Variants in MECOM observed in about 807,000 individuals in gnomAD.
MECOM encodes the protein histone-lysine N-methyltransferase MECOM.
MECOM carries 13 observed loss-of-function variants against 116.3 expected under a neutral mutation model. That is an observed-to-expected ratio of 0.11 (90% confidence interval 0.07 to 0.18). MECOM has a LOEUF of 0.18. MECOM is among the 10% of genes least tolerant of loss of function. MECOM has a pLI of 1.00. For synonymous variants in MECOM, 528 were observed against 535.2 expected (o/e 0.99, Z 0.19); for missense variants, 1,299 against 1,509.0 (o/e 0.86, Z 2.31).
In MECOM at chr3:169,112,804, A is replaced by G; in HGVS notation, c.2560T>C (p.Phe854Leu). The G allele has an allele frequency of 6.2e-7, 1 of 1,612,898 alleles. No homozygotes were observed. Among genetic ancestry groups the G allele is most frequent in the Non-Finnish European group, 8.5e-7 (1 of 1,179,280 alleles). ...ATACTTACTTGTGGGTGAAACAAGAATCCTGGAGAAGGCCTCAAGTATTTC... is the reference window on the plus strand; with the variant it reads ...ATACTTACTTGTGGGTGAAACAAGAGTCCTGGAGAAGGCCTCAAGTATTTC... ...KEKYLRPSPG[F>L]LFHPQFQLPD... Residue 854 changes from phenylalanine to leucine, a missense_variant, in exon 9 of 17, where the codon TTC (phenylalanine) becomes CTC (leucine). Around this residue, in one of 6 missense-constraint regions of MECOM, gnomAD observed 340 missense variants for 312.6 expected, o/e 1.09. Transcript: ENST00000651503.
Position 169,347,236 on chromosome 3 carries a change from G to C in MECOM, c.375+33951C>G, listed in dbSNP as rs570848889. On this transcript the variant is annotated intron_variant, in intron 2 of 16. Transcript: ENST00000651503. ...ATAAAAACATTGGTTGTACTTCATG[G>C]GGGGGCAGTTAGTGGATGGAGACAG... 2.2e-4 allele frequency among the ~76,000 whole-genome samples: 34 copies of C among 152,002 alleles called. No homozygotes were observed. In the South Asian group the frequency reaches 6.9e-3, roughly 31 times the overall value.
intron 1 of MECOM, among the ~76,000 whole-genome samples, chr3:169,520,277 T>G (rs1757193257): frequency 6.6e-6 from 1 of 152,240 alleles, no homozygotes; most frequent in Admixed American, 6.5e-5. Flanking sequence ...TGTCTTTTAT[T>G]TTTCATAAGT....
chr3:169,184,076 G>A (rs1041115394), intron 2 of MECOM, among the ~76,000 whole-genome samples: 4 of 152,004 alleles, frequency 2.6e-5, no homozygotes, highest in African/African-American at 9.7e-5. Context: ...ACATTAGCCA[G>A]GATGGTCTCA....
intron 1 of MECOM, among the ~76,000 whole-genome samples, chr3:169,652,948 A>G (rs1268651644): frequency 6.6e-6 from 1 of 152,218 alleles, no homozygotes; most frequent in Non-Finnish European, 1.5e-5. Flanking sequence ...TACCATTTCT[A>G]CCTTGACTCC....
chr3:169,255,415 C>G (rs1003645724), intron 2 of MECOM, among the ~76,000 whole-genome samples: 13 of 151,854 alleles, frequency 8.6e-5, no homozygotes, highest in Non-Finnish European at 4.4e-5. Flanking sequence ...GCACTAGACA[C>G]AGGGACCCTC....
chr3:169,300,351 T>G (rs1198283016), intron 2 of MECOM, among the ~76,000 whole-genome samples: 1 of 152,218 alleles, frequency 6.6e-6, no homozygotes, highest in Non-Finnish European at 1.5e-5. Context: ...CTTAGAATCT[T>G]AGATGATAGC....
intron 1 of MECOM, among the ~76,000 whole-genome samples, chr3:169,454,416 T>C (rs1249809985): frequency 2.0e-5 from 3 of 150,004 alleles, no homozygotes; most frequent in African/African-American, 7.3e-5. Flanking sequence ...AAAAGCCCTT[T>C]CTTAGTTATA....
At chr3:169,622,940 T>C (rs1770930729) in intron 1 of MECOM, among the ~76,000 whole-genome samples, 1 of 152,202 alleles carries the variant, frequency 6.6e-6, no homozygotes, top group South Asian at 2.1e-4. Context: ...GCTTTCAGGT[T>C]GAGATTTACT....
chr3:169,174,303 C>T (rs1744845312), intron 2 of MECOM, among the ~76,000 whole-genome samples: 1 of 152,152 alleles, frequency 6.6e-6, no homozygotes, highest in Non-Finnish European at 1.5e-5. Flanking sequence ...TAAAGTGGAA[C>T]TAAATTTTGA....
At chr3:169,583,444 T>A (rs934323299) in intron 1 of MECOM, among the ~76,000 whole-genome samples, 1 of 151,956 alleles carries the variant, frequency 6.6e-6, no homozygotes, top group Non-Finnish European at 1.5e-5. Context: ...AAACATGTTG[T>A]CCTCTCTCTC....
At chr3:169,212,128 T>G (rs915497283) in intron 2 of MECOM, among the ~76,000 whole-genome samples, 1 of 152,098 alleles carries the variant, frequency 6.6e-6, no homozygotes, top group African/African-American at 2.4e-5. Context: ...ATGATCTGAA[T>G]GGTAAGATTG....
At chr3:169,338,137 G>A (rs567995620) in intron 2 of MECOM, among the ~76,000 whole-genome samples, 78 of 151,862 alleles carry the variant, frequency 5.1e-4, no homozygotes, top group Admixed American at 1.5e-3. Flanking sequence ...CAGCCTTATA[G>A]ACTCCCTCAG....
intron 1 of MECOM, among the ~76,000 whole-genome samples, chr3:169,424,283 G>A (rs1371256893): frequency 6.6e-6 from 1 of 152,088 alleles, no homozygotes; most frequent in African/African-American, 2.4e-5. Flanking sequence ...CAAAGACCAT[G>A]ATGCTCTGGT....
chr3:169,562,172 G>GAAAA (rs1762730895), intron 1 of MECOM, among the ~76,000 whole-genome samples: 1 of 86,948 alleles, frequency 1.2e-5, no homozygotes, highest in Admixed American at 1.2e-4. Flanking sequence ...AGGAAAGAAA[G>GAAAA]AAAGAAAAAA....
chr3:169,146,243 C>T, intron 2 of MECOM: 1 of 1,179,722 alleles, frequency 8.5e-7, no homozygotes, highest in Non-Finnish European at 1.1e-6. Context: ...CCAAAGGGTC[C>T]GAATGTGACT....
intron 1 of MECOM, among the ~76,000 whole-genome samples, chr3:169,406,925 T>G (rs75273979): frequency 4.0e-5 from 6 of 151,436 alleles, no homozygotes; most frequent in Admixed American, 6.6e-5. Flanking sequence ...CACTGCAGCC[T>G]CCACCTCTCC....
chr3:169,369,701 C>T (rs145930868), intron 2 of MECOM, among the ~76,000 whole-genome samples: 165 of 151,976 alleles, frequency 1.1e-3, no homozygotes, highest in African/African-American at 3.6e-3. Flanking sequence ...TTTCCTTGGG[C>T]ACTAATGACG....
intron 2 of MECOM, among the ~76,000 whole-genome samples, chr3:169,293,717 C>T (rs1715049099): frequency 3.9e-5 from 6 of 152,118 alleles, no homozygotes; most frequent in Admixed American, 3.9e-4. Flanking sequence ...TTTCTTTGCC[C>T]CTACTAAAAA....
chr3:169,102,027 T>C lies in MECOM; in HGVS notation c.2771+33A>G, dbSNP rs1413814656. The C allele has an allele frequency of 2.5e-6, 4 of 1,571,228 alleles. No homozygotes were observed. The South Asian group carries it at 3.5e-5, about 14-fold the overall frequency. ...CTTTTGAAATCAGAGGGGAGATTTC[T>C]GGAAAGTCAGCCATAATTAACTGTG... On this transcript the variant is annotated intron_variant, in intron 11 of 16. Transcript: ENST00000651503.
Sources: allele counts gnomAD v4.1 joint callset (sites outside exome capture counted in the v4.1 genomes callset), GRCh38; gene constraint gnomAD v4.1.1; regional missense constraint gnomAD v4.1.1; transcripts MANE v1.5; gene names NCBI Gene and HGNC (gene_info 2026-07-23, HGNC 2026-07-21).